STK39: variants seen among roughly 807,000 people sequenced by gnomAD.
STK39 encodes the protein serine/threonine kinase 39.
STK39 carries 20 observed loss-of-function variants against 77.8 expected under a neutral mutation model. The observed-to-expected ratio is 0.26, with a 90% CI of 0.18 to 0.37. The LOEUF (loss-of-function observed/expected upper bound fraction) is 0.37. STK39 is among the 10% of genes least tolerant of loss of function. The pLI is 1.00. For missense variants in STK39, 479 were observed against 656.5 expected (o/e 0.73, Z 2.95); for synonymous variants, 246 against 234.1 (o/e 1.05, Z -0.47).
At chr2:167,975,173 T>C (rs1427573499) in intron 16 of STK39, among the ~76,000 whole-genome samples, 2 of 152,240 alleles carry the variant, frequency 1.3e-5, no homozygotes, top group Non-Finnish European at 2.9e-5. Flanking sequence ...CTGCATTTTA[T>C]GACTCATCAT....
intron 1 of STK39, among the ~76,000 whole-genome samples, chr2:168,183,649 G>A (rs1689138483): frequency 6.6e-6 from 1 of 152,174 alleles, no homozygotes; most frequent in African/African-American, 2.4e-5. Flanking sequence ...GGGTCTGCAT[G>A]AGCCTCATTT....
intron 1 of STK39, among the ~76,000 whole-genome samples, chr2:168,225,407 T>C (rs1478024174): frequency 1.3e-5 from 2 of 151,924 alleles, no homozygotes; most frequent in Non-Finnish European, 2.9e-5. Flanking sequence ...CCTCAAAGAG[T>C]ATCAGGTTCC....
At chr2:168,129,812 C>A in intron 8 of STK39, 54 bp from the exon 9 acceptor site, 2 of 1,587,858 alleles carry the variant, frequency 1.3e-6, no homozygotes, top group Non-Finnish European at 1.7e-6. Flanking sequence ...AATAAATGCA[C>A]TGCCTTGATG....
intron 1 of STK39, among the ~76,000 whole-genome samples, chr2:168,206,041 A>G (rs1422625703): frequency 6.6e-6 from 1 of 152,182 alleles, no homozygotes; most frequent in African/African-American, 2.4e-5. Flanking sequence ...AAAGCCCCCA[A>G]TTCATATAAC....
chr2:168,045,661 C>T (rs917878756), intron 14 of STK39, among the ~76,000 whole-genome samples: 1 of 152,162 alleles, frequency 6.6e-6, no homozygotes, highest in Non-Finnish European at 1.5e-5. Context: ...CTTTTCCTGT[C>T]ACCCTAGCAC....
At chr2:168,053,790 T>C (rs2105370346) in intron 14 of STK39, among the ~76,000 whole-genome samples, 1 of 152,328 alleles carries the variant, frequency 6.6e-6, no homozygotes, top group Admixed American at 6.5e-5. Flanking sequence ...CGACCCTCTA[T>C]CACCTATATG....
chr2:168,061,625 GAAAAT>G (rs1685667881), intron 14 of STK39, among the ~76,000 whole-genome samples: 1 of 152,112 alleles, frequency 6.6e-6, no homozygotes, highest in African/African-American at 2.4e-5. Flanking sequence ...ACCCACAAGA[GAAAAT>G]ATAACAAAGG....
chr2:167,960,297 C>G (rs1460611897), intron 17 of STK39, among the ~76,000 whole-genome samples: 2 of 144,744 alleles, frequency 1.4e-5, no homozygotes, highest in African/African-American at 5.0e-5. Context: ...CGTCCCAGCC[C>G]CCCACTGCCT....
chr2:168,026,901 T>C (rs1203815384), intron 14 of STK39, among the ~76,000 whole-genome samples: 1 of 152,194 alleles, frequency 6.6e-6, no homozygotes, highest in Non-Finnish European at 1.5e-5. Context: ...GAAGATCACT[T>C]GAACCCAGGA....
intron 14 of STK39, among the ~76,000 whole-genome samples, chr2:168,027,250 C>T (rs753667541): frequency 2.0e-5 from 3 of 152,150 alleles, no homozygotes; most frequent in Non-Finnish European, 4.4e-5. Flanking sequence ...CACCATGGGC[C>T]ATATGCTCCA....
At chr2:168,030,908 A>G (rs915363250) in intron 14 of STK39, among the ~76,000 whole-genome samples, 1 of 152,252 alleles carries the variant, frequency 6.6e-6, no homozygotes, top group South Asian at 2.1e-4. Context: ...TCAGAAGGAA[A>G]CATCCATGCA....
intron 10 of STK39, among the ~76,000 whole-genome samples, chr2:168,096,059 C>T (rs1686657958): frequency 6.6e-6 from 1 of 152,094 alleles, no homozygotes; most frequent in Non-Finnish European, 1.5e-5. Flanking sequence ...AATTGCTAAA[C>T]ATAGGGTTAC....
chr2:168,224,426 T>C (rs1009786611), intron 1 of STK39, among the ~76,000 whole-genome samples: 1 of 152,104 alleles, frequency 6.6e-6, no homozygotes, highest in African/African-American at 2.4e-5. Context: ...ACCATCAATC[T>C]ATAACAAAAT....
chr2:168,219,282 G>A (rs1355939864), intron 1 of STK39, among the ~76,000 whole-genome samples: 1 of 149,216 alleles, frequency 6.7e-6, no homozygotes, highest in African/African-American at 2.5e-5. Context: ...TGAGACTCTT[G>A]TTTCAAAAAA....
intron 14 of STK39, among the ~76,000 whole-genome samples, chr2:168,061,391 TAAAG>T (rs1220354034): frequency 6.6e-6 from 1 of 152,194 alleles, no homozygotes; most frequent in Non-Finnish European, 1.5e-5. Context: ...GGTTTTAGAT[TAAAG>T]AAAGTTAAAC....
chr2:168,053,060 G>A (rs746737680), intron 14 of STK39, among the ~76,000 whole-genome samples: 2 of 152,198 alleles, frequency 1.3e-5, no homozygotes, highest in Non-Finnish European at 2.9e-5. Flanking sequence ...CAAAGTCTAA[G>A]AGCATTTCAC....
At chr2:168,070,995 A>G (rs1685926893) in intron 12 of STK39, among the ~76,000 whole-genome samples, 1 of 152,152 alleles carries the variant, frequency 6.6e-6, no homozygotes, top group South Asian at 2.1e-4. Flanking sequence ...CCCTCTGACA[A>G]ACATCCCACT....
intron 16 of STK39, among the ~76,000 whole-genome samples, chr2:167,987,224 T>A (rs998445115): frequency 6.6e-6 from 1 of 152,180 alleles, no homozygotes; most frequent in African/African-American, 2.4e-5. Flanking sequence ...CCTACAAAAC[T>A]GCCACCCTCC....
intron 2 of STK39, among the ~76,000 whole-genome samples, chr2:168,172,761 T>C (rs967495712): frequency 6.6e-6 from 1 of 152,172 alleles, no homozygotes; most frequent in African/African-American, 2.4e-5. Context: ...CTAAATAAAT[T>C]ATTCTTTATC....
Sources: gnomAD v4.1 joint callset for allele counts (sites outside exome capture counted in the v4.1 genomes callset) on GRCh38, gnomAD v4.1.1 for gene constraint, MANE v1.5 for transcripts, NCBI Gene and HGNC (gene_info 2026-07-23, HGNC 2026-07-21) for gene names.